Variants in ITPR3 observed in about 807,000 individuals in gnomAD.
The protein encoded by ITPR3 is inositol 1,4,5-trisphosphate-gated calcium channel ITPR3.
Under a neutral mutation model 293.2 loss-of-function variants are expected in ITPR3, and 173 were observed. That is an observed-to-expected ratio of 0.59 (90% CI 0.52 to 0.67). ITPR3 has a LOEUF of 0.67. Among genes scored for constraint, ITPR3 ranks in the 30% least tolerant of loss-of-function variants. ITPR3 has a pLI of 0.00. For missense variants in ITPR3, 2,796 were observed against 3,592.1 expected (o/e 0.78, Z 5.66); for synonymous variants, 1,295 against 1,444.4 (o/e 0.90, Z 2.35).
chr6:33,628,535 G>T lies in ITPR3; in HGVS notation c.89+6844G>T, dbSNP rs111476776. 1.4e-3 allele frequency among the ~76,000 whole-genome samples: 207 copies of T among 152,322 alleles called. 1 individual carries two copies. The highest frequency in any genetic ancestry group is 4.6e-3 in the African/African-American group (191 of 41,570). On this transcript the variant is annotated intron_variant, in intron 1 of 57. Transcript: ENST00000605930. ...AGTTTGTAGGGCCTTTCAGGCTAGG[G>T]ACTGTGAGAGAAATCGTGGGTGCAG...
intron 48 of ITPR3, 92 bp downstream of exon 48, chr6:33,688,523 T>C: frequency 6.7e-7 from 1 of 1,500,236 alleles, no homozygotes; most frequent in South Asian, 1.3e-5. Flanking sequence ...GTGGGTGCCC[T>C]GCGCCCAACC....
intron 43 of ITPR3, 144 bp downstream of exon 43, chr6:33,686,663 TGTG>T (rs1231760264): frequency 1.4e-6 from 1 of 697,216 alleles, no homozygotes; most frequent in Non-Finnish European, 2.6e-6. Context: ...GATGCACAAG[TGTG>T]TGGTGTGTGC....
At position 33,638,426 on chromosome 6, in the gene ITPR3, G is replaced by A. The variant is rs536772060; in HGVS notation, c.90-2058G>A. 1.4e-3 allele frequency among the ~76,000 whole-genome samples: 212 copies of A among 152,294 alleles called. No individual in the cohort carries two copies. The highest frequency in any genetic ancestry group is 4.9e-3 in the African/African-American group (202 of 41,552). ...GAAAATGGGAACCCTCAAATTACAC[G>A]GTTATTCCCCGGCAGCCCCATCCTC... On this transcript the variant is annotated intron_variant, in intron 1 of 57. Coordinates refer to ENST00000605930, the MANE Select transcript of ITPR3 (RefSeq NM_002224.4). The surrounding 1 kb of genome is among the most constrained non-coding windows in gnomAD (Gnocchi z 4.3).
At chr6:33,673,066 G>C (rs1284855311) in intron 22 of ITPR3, among the ~76,000 whole-genome samples, 1 of 152,168 alleles carries the variant, frequency 6.6e-6, no homozygotes, top group Non-Finnish European at 1.5e-5. Flanking sequence ...CCTGGGGCTT[G>C]GCCAAAGGCT....
intron 1 of ITPR3, among the ~76,000 whole-genome samples, chr6:33,623,175 G>A (rs559120267): frequency 6.6e-6 from 1 of 152,074 alleles, no homozygotes; most frequent in African/African-American, 2.4e-5. Flanking sequence ...AGGAGAGGGT[G>A]TGGGGACTGG....
chr6:33,668,686 G>A, intron 17 of ITPR3, 52 bp downstream of exon 17: 1 of 1,612,070 alleles, frequency 6.2e-7, no homozygotes, highest in Non-Finnish European at 8.5e-7. Flanking sequence ...CTGACCCCCA[G>A]CTGTCTTAGA....
At position 33,666,844 on chromosome 6, in the gene ITPR3, C is replaced by G. The variant is rs1256768286; in HGVS notation, c.1552-285C>G. ...CTCTTAGCCTTAGACCCTGAGCTGCCGAGACCCTCTGCTCCTCCCCCAGGC... is the reference window on the plus strand; with the variant it reads ...CTCTTAGCCTTAGACCCTGAGCTGCGGAGACCCTCTGCTCCTCCCCCAGGC... On this transcript the variant is annotated intron_variant, in intron 14 of 57. Transcript: ENST00000605930. This position sits in a 1 kb window ranked among gnomAD's most constrained non-coding sequence, Gnocchi z 5.1. Among the ~76,000 whole-genome samples, 1 of 152,180 alleles carries G rather than the reference C, an allele frequency of 6.6e-6. No individual in the cohort carries two copies. The highest frequency in any genetic ancestry group is 1.5e-5 in the Non-Finnish European group (1 of 68,020).
chr6:33,675,817 C>T lies in ITPR3; in HGVS notation c.3243C>T (p.His1081=), dbSNP rs1764891240. ...GTGCCCTGCAGCTGCTCTTCAAGCA[C>T]TTCAGCCAGCGCCAGGAGGCCATGC... ...VSGALQLLFK[H]FSQRQEAMHT... The change falls in exon 25 of 58, where the codon CAC becomes CAT. Residue 1081 remains histidine (H), a synonymous_variant. Coordinates refer to ENST00000605930, the MANE Select transcript of ITPR3 (RefSeq NM_002224.4). The surrounding 1 kb of genome is among the most constrained non-coding windows in gnomAD (Gnocchi z 5.0). 1 of 1,591,838 alleles carries T rather than the reference C, an allele frequency of 6.3e-7. No homozygotes were observed. The highest frequency in any genetic ancestry group is 1.1e-5 in the South Asian group (1 of 88,228).
At position 33,632,264 on chromosome 6, in the gene ITPR3, G is replaced by A. The variant is rs894548548; in HGVS notation, c.90-8220G>A. 5.9e-5 allele frequency among the ~76,000 whole-genome samples: 9 copies of A among 152,016 alleles called. No homozygotes were observed. The highest frequency in any genetic ancestry group is 1.9e-4 in the East Asian group (1 of 5,176). On this transcript the variant is annotated intron_variant, in intron 1 of 57. Coordinates refer to ENST00000605930, the MANE Select transcript of ITPR3 (RefSeq NM_002224.4). This position sits in a 1 kb window ranked among gnomAD's most constrained non-coding sequence, Gnocchi z 4.1. ...GGGGGAGGGTTGTTCAGGGTCCCTC[G>A]GGGATTTCCCCAGTCTGTCATTCCC...
In ITPR3 at chr6:33,670,570, T is replaced by A; in HGVS notation, c.2435T>A (p.Ile812Asn). The A allele has an allele frequency of 7.6e-7, 1 of 1,310,504 alleles. No individual in the cohort carries two copies. 81.2% of individuals were successfully genotyped at this position (1,310,504 alleles called of 1,614,324 possible). A position where few individuals can be genotyped will look rare whatever the true frequency, so the allele number is the denominator to read the frequency against. Residue 812 changes from isoleucine to asparagine, a missense_variant, in exon 19 of 58, where the codon ATC becomes AAC. Ile to Asn is a moderately radical substitution (Grantham distance 149). This residue lies in a region of ITPR3 where 955 missense variants were observed against 1,180.8 expected (regional missense o/e 0.81). Coordinates refer to ENST00000605930, the MANE Select transcript of ITPR3 (RefSeq NM_002224.4). The surrounding 1 kb of genome is among the most constrained non-coding windows in gnomAD (Gnocchi z 6.7). ...LWTEIPTAITIKDYDSNLNAS... is the reference protein window; with the variant it reads ...LWTEIPTAITNKDYDSNLNAS... ...ACTGAGATCCCCACAGCCATCACCA[T>A]CAAGGAGTGAGAGGGGTGGAGGCAG...
Position 33,663,739 on chromosome 6 carries a change from G to A in ITPR3, c.1007G>A (p.Gly336Glu), listed in dbSNP as rs959628965. The change falls in exon 11 of 58, where the codon GGG becomes GAG. Residue 336 changes from glycine (G) to glutamate (E), a missense_variant and splice_region_variant. Coordinates refer to ENST00000605930, the MANE Select transcript of ITPR3 (RefSeq NM_002224.4). ...DASDPKAAGMGAQGRTGRRNA... is the reference protein window; with the variant it reads ...DASDPKAAGMEAQGRTGRRNA... ...ACCTGATTTGGGGTCCTCATCCAGG[G>A]GGCACAGGGCCGCACAGGCCGCAGG... The A allele has an allele frequency of 6.2e-7, 1 of 1,613,772 alleles. No homozygotes were observed. The highest frequency in any genetic ancestry group is 8.5e-7 in the Non-Finnish European group (1 of 1,179,968).
At chr6:33,668,909 A>C in intron 17 of ITPR3, 65 bp from the exon 18 acceptor site, 1 of 1,529,302 alleles carries the variant, frequency 6.5e-7, no homozygotes. Flanking sequence ...GGGTGTGCTC[A>C]GGGAGGGGTC....
Position 33,667,230 on chromosome 6 carries a change from C to A in ITPR3, c.1653C>A (p.His551Gln), listed in dbSNP as rs777187021. The A allele has an allele frequency of 6.2e-7, 1 of 1,613,922 alleles. No homozygotes were observed. The highest frequency in any genetic ancestry group is 1.1e-5 in the South Asian group (1 of 91,076). The change falls in exon 15 of 58, where the codon CAC (histidine) becomes CAA (glutamine). Residue 551 changes from histidine (H) to glutamine (Q), a missense_variant. Physicochemically the swap from His to Gln is conservative, Grantham distance 24. This residue lies in a region of ITPR3 where 955 missense variants were observed against 1,180.8 expected (regional missense o/e 0.81). Transcript: ENST00000605930. The surrounding 1 kb of genome is among the most constrained non-coding windows in gnomAD (Gnocchi z 4.4). ...ACCAGAAGAACGCCCCCTACCAGCACATGTTCCGCCTGTGCTACCGCGTGT... is the reference window on the plus strand; with the variant it reads ...ACCAGAAGAACGCCCCCTACCAGCAAATGTTCCGCCTGTGCTACCGCGTGT... ...LSDQKNAPYQHMFRLCYRVLR... is the reference protein window; with the variant it reads ...LSDQKNAPYQQMFRLCYRVLR...
chr6:33,695,804 A>G lies in ITPR3; in HGVS notation c.*24A>G, dbSNP rs2229644. ...GAGGAGAGCCACCGAAGGCCCCAAC[A>G]GGGGATGCTCATCACTGGAGACTGC... On this transcript the variant is annotated 3_prime_UTR_variant, in exon 58 of 58. Transcript: ENST00000605930. The G allele has an allele frequency of 5.6e-4, 899 of 1,611,722 alleles. 5 individuals carry two copies. In the African/African-American group the frequency reaches 0.01, roughly 18 times the overall value.
At chr6:33,688,024 G>A (rs1765283233) in intron 46 of ITPR3, 33 bp from the exon 47 acceptor site, 1 of 1,560,792 alleles carries the variant, frequency 6.4e-7, no homozygotes, top group Non-Finnish European at 8.8e-7. Flanking sequence ...TGTGGAGGCT[G>A]GGGCCTGACC....
At position 33,684,954 on chromosome 6, in the gene ITPR3, C is replaced by T. The variant is rs1561879027; in HGVS notation, c.5307+11C>T. The T allele has an allele frequency of 1.9e-6, 3 of 1,599,150 alleles. No homozygotes were observed. The highest frequency in any genetic ancestry group is 2.2e-5 in the East Asian group (1 of 44,706). On this transcript the variant is annotated intron_variant, in intron 39 of 57. Transcript: ENST00000605930. The surrounding 1 kb of genome is among the most constrained non-coding windows in gnomAD (Gnocchi z 4.2). ...AACACAGAGATCCAGGTGTGGGGGG[C>T]CTGGGGCCTGGACATGCCCTCCTTT...
At position 33,657,194 on chromosome 6, in the gene ITPR3, G is replaced by T. The variant is rs577551409; in HGVS notation, c.283-738G>T. On this transcript the variant is annotated intron_variant, in intron 3 of 57. Coordinates refer to ENST00000605930, the MANE Select transcript of ITPR3 (RefSeq NM_002224.4). ...GGAGGAGGAAAGGACAGAGACCACTGCTCTCAGAGAGTGCCAGTCTGATGG... is the reference window on the plus strand; with the variant it reads ...GGAGGAGGAAAGGACAGAGACCACTTCTCTCAGAGAGTGCCAGTCTGATGG... 1.1e-3 allele frequency among the ~76,000 whole-genome samples: 160 copies of T among 152,380 alleles called. 1 individual carries two copies. Among genetic ancestry groups the T allele is most frequent in the African/African-American group, 3.8e-3 (158 of 41,586 alleles).
At position 33,688,416 on chromosome 6, in the gene ITPR3, CA is replaced by C; in HGVS notation, c.6554del (p.Gln2185ArgfsTer9). ...SSFLHNEMEW[Q>X]RKLRSMPLIY... is the part of the protein sequence containing the mutation. ...CTTCCTGCACAACGAGATGGAGTGGCAGCGCAAGCTCCGCAGTGAGGACCCA... is the reference window on the plus strand; with the variant it reads ...CTTCCTGCACAACGAGATGGAGTGGCGCGCAAGCTCCGCAGTGAGGACCCA... On this transcript the variant is annotated frameshift_variant, in exon 48 of 58. Transcript: ENST00000605930. LOFTEE classifies it high-confidence loss of function. 1 of 1,587,008 alleles carries C rather than the reference CA, an allele frequency of 6.3e-7. No individual in the cohort carries two copies. Among genetic ancestry groups the C allele is most frequent in the South Asian group, 1.1e-5 (1 of 89,602 alleles).
intron 43 of ITPR3, 122 bp downstream of exon 43, chr6:33,686,641 G>A: frequency 1.3e-6 from 1 of 771,972 alleles, no homozygotes; most frequent in South Asian, 1.5e-5. Flanking sequence ...TTGTGTGATG[G>A]GGCATCATCT....
Sources: allele counts gnomAD v4.1 joint callset (sites outside exome capture counted in the v4.1 genomes callset), GRCh38; gene constraint gnomAD v4.1.1; regional missense constraint gnomAD v4.1.1; non-coding constraint Gnocchi (gnomAD v3.1); transcripts MANE v1.5; gene names NCBI Gene and HGNC (gene_info 2026-07-23, HGNC 2026-07-21).